UNC13C: variants seen among roughly 807,000 people sequenced by gnomAD.
The protein encoded by UNC13C is unc-13 homolog C.
UNC13C carries 174 observed loss-of-function variants against 245.4 expected under a neutral mutation model. The observed-to-expected ratio is 0.71, with a 90% CI of 0.63 to 0.80. The LOEUF (loss-of-function observed/expected upper bound fraction) is 0.80. Ranked by LOEUF, UNC13C falls within the 30% of genes least tolerant of loss-of-function variation. The pLI is 0.00. For synonymous variants in UNC13C, 992 were observed against 895.1 expected (o/e 1.11, Z -1.93); for missense variants, 2,829 against 2,602.9 (o/e 1.09, Z -1.89).
the UNC13C span, among the ~76,000 whole-genome samples, chr15:53,970,250 G>T: frequency 3.9e-5 from 6 of 151,972 alleles, no homozygotes; most frequent in African/African-American, 1.4e-4. Flanking sequence ...TTTGTATTTA[G>T]TAGAGACAGG....
chr15:54,009,463 A>G (rs367766389), intron 1 of UNC13C, among the ~76,000 whole-genome samples: 1 of 152,078 alleles, frequency 6.6e-6, no homozygotes, highest in South Asian at 2.1e-4. Context: ...CCTTACAACT[A>G]TCCTATGAGG....
chr15:54,029,632 A>G (rs776411425), intron 2 of UNC13C, among the ~76,000 whole-genome samples: 2 of 152,234 alleles, frequency 1.3e-5, no homozygotes, highest in African/African-American at 2.4e-5. Context: ...TTACCTATTC[A>G]TTATTATTAG....
intron 29 of UNC13C, among the ~76,000 whole-genome samples, chr15:54,562,010 C>T (rs1019455743): frequency 2.6e-5 from 4 of 151,828 alleles, no homozygotes; most frequent in Non-Finnish European, 5.9e-5. Context: ...AGCATGGTTC[C>T]ACCAAGAAAA....
chr15:54,197,333 T>C (rs550159086), intron 4 of UNC13C, among the ~76,000 whole-genome samples: 8 of 151,762 alleles, frequency 5.3e-5, no homozygotes, highest in African/African-American at 1.9e-4. Context: ...AAAAATTAGC[T>C]GGGCACCTGT....
At chr15:54,266,417 G>T (rs532909926) in intron 10 of UNC13C, among the ~76,000 whole-genome samples, 1 of 152,076 alleles carries the variant, frequency 6.6e-6, no homozygotes, top group Admixed American at 6.6e-5. Flanking sequence ...TAAAATAGAA[G>T]ACAAGAAATC....
chr15:54,437,962 T>A (rs1890312702), intron 19 of UNC13C, among the ~76,000 whole-genome samples: 2 of 151,926 alleles, frequency 1.3e-5, no homozygotes, highest in Non-Finnish European at 2.9e-5. Flanking sequence ...TACCTTGTAT[T>A]CTTTGACTAT....
At chr15:53,930,059 G>T in the UNC13C span, among the ~76,000 whole-genome samples, 1 of 152,244 alleles carries the variant, frequency 6.6e-6, no homozygotes, top group East Asian at 1.9e-4. Context: ...TCAGCTGGCC[G>T]CCTTGACCTG....
At chr15:54,038,120 A>ATTTTTTTTTTTTTTTTTTT (rs1246982047) in intron 2 of UNC13C, among the ~76,000 whole-genome samples, 3 of 45,202 alleles carry the variant, frequency 6.6e-5, no homozygotes, top group African/African-American at 1.0e-4. Flanking sequence ...ATATATATAT[A>ATTTTTTTTTTTTTTTTTTT]TATATTTTTT....
chr15:54,448,310 T>G (rs1053856921), intron 19 of UNC13C, among the ~76,000 whole-genome samples: 3 of 152,136 alleles, frequency 2.0e-5, no homozygotes, highest in Non-Finnish European at 2.9e-5. Flanking sequence ...CAGAGCTGAG[T>G]TCAATTCCTG....
chr15:54,556,701 T>C (rs1361383275), intron 29 of UNC13C, among the ~76,000 whole-genome samples: 1 of 151,966 alleles, frequency 6.6e-6, no homozygotes, highest in South Asian at 2.1e-4. Flanking sequence ...TAACTAATCT[T>C]TGGAGTTATA....
At chr15:54,374,660 C>G (rs1219086830) in intron 17 of UNC13C, among the ~76,000 whole-genome samples, 1 of 152,204 alleles carries the variant, frequency 6.6e-6, no homozygotes, top group Non-Finnish European at 1.5e-5. Flanking sequence ...CCCCTGAGCT[C>G]AGGAATGCTC....
chr15:54,076,690 A>G (rs1192872534), intron 2 of UNC13C, among the ~76,000 whole-genome samples: 2 of 152,134 alleles, frequency 1.3e-5, no homozygotes, highest in Admixed American at 6.5e-5. Context: ...AGAAAACTAG[A>G]AATTGGAATT....
At chr15:53,919,582 T>C in the UNC13C span, among the ~76,000 whole-genome samples, 3 of 152,232 alleles carry the variant, frequency 2.0e-5, no homozygotes, top group Admixed American at 2.0e-4. Context: ...ACCATGTGAC[T>C]GAAAGCACGC....
intron 18 of UNC13C, among the ~76,000 whole-genome samples, chr15:54,409,917 T>C (rs1450956553): frequency 6.6e-6 from 1 of 152,214 alleles, no homozygotes; most frequent in Non-Finnish European, 1.5e-5. Context: ...AGTTAAATGG[T>C]AGTTGTATTT....
chr15:53,915,233 A>G, the UNC13C span, among the ~76,000 whole-genome samples: 1 of 152,232 alleles, frequency 6.6e-6, no homozygotes, highest in African/African-American at 2.4e-5. Context: ...TTAAAAAAAT[A>G]TGTCCTATGT....
chr15:54,365,734 C>G (rs1056160534), intron 17 of UNC13C, among the ~76,000 whole-genome samples: 1 of 150,702 alleles, frequency 6.6e-6, no homozygotes. Flanking sequence ...TCCTCACTGG[C>G]ACTGCTCCCC....
intron 2 of UNC13C, among the ~76,000 whole-genome samples, chr15:54,132,074 C>CTTTTTCTTTTTT (rs1555420958): frequency 7.2e-5 from 8 of 110,646 alleles, no homozygotes; most frequent in African/African-American, 2.3e-4. Context: ...TTTTCTTTTT[C>CTTTTTCTTTTTT]TTTTTTTTTT....
intron 17 of UNC13C, among the ~76,000 whole-genome samples, chr15:54,350,855 C>G (rs1460885480): frequency 2.0e-5 from 3 of 152,048 alleles, no homozygotes; most frequent in Non-Finnish European, 4.4e-5. Flanking sequence ...GATGGTTTTC[C>G]TTCACAAATG....
chr15:54,546,269 T>A (rs1896477694), intron 26 of UNC13C, among the ~76,000 whole-genome samples: 1 of 152,070 alleles, frequency 6.6e-6, no homozygotes, highest in Admixed American at 6.6e-5. Context: ...AGTTGAACAA[T>A]GAGAACACGT....
Sources: allele counts gnomAD v4.1 joint callset (sites outside exome capture counted in the v4.1 genomes callset), GRCh38; gene constraint gnomAD v4.1.1; transcripts MANE v1.5; gene names NCBI Gene and HGNC (gene_info 2026-07-23, HGNC 2026-07-21).